Variants in NFIC observed in about 807,000 individuals in gnomAD.
NFIC encodes nuclear factor 1 C-type.
NFIC carries 12 observed loss-of-function variants against 54.4 expected under a neutral mutation model. The observed-to-expected ratio is 0.22, with a 90% CI of 0.14 to 0.36. The LOEUF (loss-of-function observed/expected upper bound fraction) is 0.36, where lower values mean the gene tolerates loss of function less well. NFIC is among the 10% of genes least tolerant of loss of function. NFIC has a pLI of 1.00. For synonymous variants in NFIC, 322 were observed against 319.2 expected (o/e 1.01, Z -0.09); for missense variants, 575 against 718.2 (o/e 0.80, Z 2.28).
intron 7 of NFIC, among the ~76,000 whole-genome samples, chr19:3,449,482 A>T (rs2082423886): frequency 6.6e-6 from 1 of 152,120 alleles, no homozygotes; most frequent in East Asian, 1.9e-4. Flanking sequence ...CAATGAGGCC[A>T]GGCACAGTGG....
At chr19:3,413,111 G>C (rs1452920122) in intron 2 of NFIC, among the ~76,000 whole-genome samples, 1 of 152,132 alleles carries the variant, frequency 6.6e-6, no homozygotes, top group African/African-American at 2.4e-5. Flanking sequence ...ACCACACCCG[G>C]CTAATTTTTG....
intron 2 of NFIC, 54 bp from the exon 3 acceptor site, chr19:3,425,052 C>T (rs943979046): frequency 1.6e-5 from 25 of 1,589,774 alleles, no homozygotes; most frequent in Non-Finnish European, 2.1e-5. Flanking sequence ...ACTTCATCTG[C>T]TCCTGGGGTG....
chr19:3,386,360 TC>T (rs2081296406), intron 2 of NFIC, among the ~76,000 whole-genome samples: 2 of 143,348 alleles, frequency 1.4e-5, no homozygotes, highest in Non-Finnish European at 3.0e-5. Flanking sequence ...TCTCACTCTG[TC>T]ACCCAGGCTG....
At chr19:3,404,349 CG>C (rs1205540106) in intron 2 of NFIC, among the ~76,000 whole-genome samples, 2 of 152,110 alleles carry the variant, frequency 1.3e-5, no homozygotes, top group African/African-American at 2.4e-5. Flanking sequence ...GGTGTGCGTG[CG>C]GGTATTTTTA....
In NFIC at chr19:3,407,259, G is replaced by A. The variant is rs1463905035; in HGVS notation, c.563-17847G>A. On this transcript the variant is annotated intron_variant, in intron 2 of 10. Coordinates refer to ENST00000443272, the MANE Select transcript of NFIC (RefSeq NM_001245002.2). ...CTCCCGAGTAGCTGGGACTACAGGC[G>A]CCCGCCACCACGCCCGGCTATAGTT... is the stretch of plus-strand genomic sequence containing the variant. 8.0e-5 allele frequency among the ~76,000 whole-genome samples: 12 copies of A among 149,648 alleles called. No individual in the cohort carries two copies. In the East Asian group the frequency reaches 1.8e-3, roughly 22 times the overall value.
At chr19:3,427,897 C>T (rs536502339) in intron 3 of NFIC, among the ~76,000 whole-genome samples, 4 of 150,250 alleles carry the variant, frequency 2.7e-5, no homozygotes, top group South Asian at 4.2e-4. Context: ...GGGCCGGGTG[C>T]GGGGGCTTAC....
In NFIC at chr19:3,394,531, C is replaced by CCCCCT. The variant is rs1192097514; in HGVS notation, c.562+12290_562+12291insCCTCC. Among the ~76,000 whole-genome samples, 14 of 48,978 alleles carry CCCCCT rather than the reference C, an allele frequency of 2.9e-4. No homozygotes were observed. In the Admixed American group the frequency reaches 3.2e-3, roughly 11 times the overall value. 32.1% of individuals were successfully genotyped at this position (48,978 alleles called of 152,430 possible). Reference sequence around the variant, plus strand: ...TGATCTTTTCCCCACCCACCCCCCACCCGCTTACACTAAGTCTGAAATTTG... The same window carrying CCCCCT: ...TGATCTTTTCCCCACCCACCCCCCACCCCCTCCGCTTACACTAAGTCTGAAATTTG... On this transcript the variant is annotated intron_variant, in intron 2 of 10. Transcript: ENST00000443272.
intron 3 of NFIC, among the ~76,000 whole-genome samples, chr19:3,425,879 C>G (rs2082019393): frequency 6.9e-6 from 1 of 145,434 alleles, no homozygotes; most frequent in Non-Finnish European, 1.5e-5. Context: ...CTTAGCCTCT[C>G]AAGTAGCTGG....
At chr19:3,446,897 A>T (rs1278402379) in intron 6 of NFIC, among the ~76,000 whole-genome samples, 1 of 152,000 alleles carries the variant, frequency 6.6e-6, no homozygotes, top group Admixed American at 6.6e-5. Flanking sequence ...ATGATGGTGC[A>T]TGCCTGTGGT....
At chr19:3,433,495 AC>A in intron 3 of NFIC, 22 bp from the exon 4 acceptor site, 1 of 1,612,530 alleles carries the variant, frequency 6.2e-7, no homozygotes, top group Non-Finnish European at 8.5e-7. Flanking sequence ...CAGCCTACTG[AC>A]CCCGCTGTCT....
chr19:3,360,647 C>G (rs2080799196), intron 1 of NFIC, among the ~76,000 whole-genome samples: 1 of 152,210 alleles, frequency 6.6e-6, no homozygotes, highest in Non-Finnish European at 1.5e-5. Flanking sequence ...TCTGCACATC[C>G]ACGTGCTGGC....
chr19:3,405,185 A>C (rs1440386825), intron 2 of NFIC, among the ~76,000 whole-genome samples: 1 of 152,232 alleles, frequency 6.6e-6, no homozygotes, highest in Non-Finnish European at 1.5e-5. Context: ...TATGGGCCAG[A>C]CTTAAGGAAC....
intron 2 of NFIC, among the ~76,000 whole-genome samples, chr19:3,403,418 A>G (rs1254429161): frequency 6.6e-6 from 1 of 152,194 alleles, no homozygotes; most frequent in African/African-American, 2.4e-5. Context: ...ACACTCCACA[A>G]TCTGATGTGT....
intron 6 of NFIC, among the ~76,000 whole-genome samples, chr19:3,440,289 C>T (rs1186426240): frequency 6.6e-6 from 1 of 152,028 alleles, no homozygotes; most frequent in Non-Finnish European, 1.5e-5. Flanking sequence ...GGAGCACCCC[C>T]CAGTGGTGAC....
intron 6 of NFIC, among the ~76,000 whole-genome samples, chr19:3,435,484 G>T (rs1428262746): frequency 1.3e-5 from 2 of 152,232 alleles, no homozygotes; most frequent in African/African-American, 4.8e-5. Context: ...CCACATCTCT[G>T]TGGGGTCCCC....
Position 3,382,197 on chromosome 19 carries a change from C to T in NFIC, c.516C>T (p.Ala172=), listed in dbSNP as rs747383316. The T allele has an allele frequency of 1.9e-6, 3 of 1,609,252 alleles. No individual in the cohort carries two copies. Among genetic ancestry groups the T allele is most frequent in the Non-Finnish European group, 2.5e-6 (3 of 1,179,824 alleles). ...LCVQPHHIGV[A]VKELDLYLAY... is the part of the protein sequence containing the mutation. ...TGCAGCCGCACCACATTGGCGTGGC[C>T]GTCAAGGAGCTGGACCTCTACCTGG... The change falls in exon 2 of 11, where the codon GCC becomes GCT. Residue 172 remains alanine (A), a synonymous_variant. Coordinates refer to ENST00000443272, the MANE Select transcript of NFIC (RefSeq NM_001245002.2).
chr19:3,373,573 C>T (rs895507201), intron 1 of NFIC, among the ~76,000 whole-genome samples: 1 of 151,748 alleles, frequency 6.6e-6, no homozygotes, highest in Non-Finnish European at 1.5e-5. Context: ...TGCCATCTCT[C>T]AAGACTTTGT....
At position 3,377,305 on chromosome 19, in the gene NFIC, G is replaced by C. The variant is rs537879220; in HGVS notation, c.31-4407G>C. 1.3e-4 allele frequency among the ~76,000 whole-genome samples: 17 copies of C among 128,542 alleles called. No individual in the cohort carries two copies. In the South Asian group the frequency reaches 4.0e-3, roughly 31 times the overall value. The allele number at this position is 128,542 out of a possible 152,430, so 84.3% of individuals were successfully genotyped here. A position where few individuals can be genotyped will look rare whatever the true frequency, so the allele number is the denominator to read the frequency against. The stretch of plus-strand genomic sequence containing the variant: ...GCTGAGATCGCATCACTGCACTCTA[G>C]CCTGGGTGACAGAGCGAGACTCTGT... On this transcript the variant is annotated intron_variant, in intron 1 of 10. Coordinates refer to ENST00000443272, the MANE Select transcript of NFIC (RefSeq NM_001245002.2).
At chr19:3,386,877 G>A (rs1243764307) in intron 2 of NFIC, among the ~76,000 whole-genome samples, 1 of 152,194 alleles carries the variant, frequency 6.6e-6, no homozygotes, top group Non-Finnish European at 1.5e-5. Context: ...CCCACAGGCT[G>A]AGGTCTTATG....
Sources: gnomAD v4.1 joint callset for allele counts (sites outside exome capture counted in the v4.1 genomes callset) on GRCh38, gnomAD v4.1.1 for gene constraint, MANE v1.5 for transcripts, NCBI Gene and HGNC (gene_info 2026-07-23, HGNC 2026-07-21) for gene names.